Variants in SPIDR observed in about 807,000 individuals in gnomAD.
SPIDR encodes scaffold protein involved in DNA repair.
A neutral mutation model predicts 104.6 loss-of-function variants in SPIDR; 93 were observed. The ratio of observed to expected loss-of-function variants is 0.89; its 90% CI spans 0.75 to 1.06. The LOEUF (loss-of-function observed/expected upper bound fraction) is 1.06, where lower values mean the gene tolerates loss of function less well. Ranked by LOEUF, SPIDR falls within the 50% of genes least tolerant of loss-of-function variation. The probability of loss-of-function intolerance (pLI) is 0.00; values close to 1 mark genes in which losing one functional copy is unlikely to be tolerated. For synonymous variants in SPIDR, 431 were observed against 416.9 expected (o/e 1.03, Z -0.41); for missense variants, 1,154 against 1,111.2 (o/e 1.04, Z -0.55).
At chr8:47,499,691 G>T (rs1328161918) in intron 8 of SPIDR, among the ~76,000 whole-genome samples, 2 of 151,972 alleles carry the variant, frequency 1.3e-5, no homozygotes, top group African/African-American at 4.8e-5. Context: ...ACAACGTGCA[G>T]GTTAGTTACA....
intron 3 of SPIDR, among the ~76,000 whole-genome samples, chr8:47,289,279 G>T (rs1554566213): frequency 6.6e-6 from 1 of 151,890 alleles, no homozygotes; most frequent in Non-Finnish European, 1.5e-5. Context: ...CTGTAAATAT[G>T]TATCTAATGA....
At chr8:47,305,916 A>G (rs928055497) in intron 5 of SPIDR, among the ~76,000 whole-genome samples, 1 of 152,150 alleles carries the variant, frequency 6.6e-6, no homozygotes, top group African/African-American at 2.4e-5. Flanking sequence ...ACCACCTTCT[A>G]TCTCCAGAAC....
chr8:47,420,558 C>T (rs536701050), intron 7 of SPIDR, among the ~76,000 whole-genome samples: 2 of 152,198 alleles, frequency 1.3e-5, no homozygotes, highest in African/African-American at 2.4e-5. Context: ...TGGGTCTTGA[C>T]TCTTTATCCA....
intron 1 of SPIDR, among the ~76,000 whole-genome samples, chr8:47,267,300 A>G (rs1201177144): frequency 2.0e-5 from 3 of 152,122 alleles, no homozygotes; most frequent in African/African-American, 4.8e-5. Flanking sequence ...TTGGGATTAC[A>G]TCCGTGAGCC....
chr8:47,718,511 T>C (rs1051369388), intron 16 of SPIDR, among the ~76,000 whole-genome samples: 34 of 152,174 alleles, frequency 2.2e-4, no homozygotes, highest in African/African-American at 8.2e-4. Context: ...GGCTCTTTTT[T>C]TTTTTCATTT....
chr8:47,514,929 A>G (rs1196411221), intron 8 of SPIDR, among the ~76,000 whole-genome samples: 1 of 152,150 alleles, frequency 6.6e-6, no homozygotes, highest in Admixed American at 6.5e-5. Context: ...ATTTTTCATC[A>G]TTTCTGAGGA....
chr8:47,646,625 T>C (rs531979157), intron 10 of SPIDR, among the ~76,000 whole-genome samples: 1 of 152,304 alleles, frequency 6.6e-6, no homozygotes, highest in South Asian at 2.1e-4. Context: ...CAGAAAAATC[T>C]ATGACATTGG....
intron 10 of SPIDR, among the ~76,000 whole-genome samples, chr8:47,643,542 T>G (rs1021935570): frequency 6.6e-6 from 1 of 151,874 alleles, no homozygotes. Flanking sequence ...GTTGTTGTTG[T>G]TGTTTTCTAG....
chr8:47,519,745 A>G (rs1276672075), intron 8 of SPIDR, among the ~76,000 whole-genome samples: 1 of 152,194 alleles, frequency 6.6e-6, no homozygotes, highest in African/African-American at 2.4e-5. Context: ...TGATGGCACC[A>G]CTGCACTCTA....
intron 5 of SPIDR, among the ~76,000 whole-genome samples, chr8:47,364,597 A>T (rs1795461418): frequency 1.3e-5 from 2 of 152,270 alleles, no homozygotes; most frequent in Admixed American, 6.5e-5. Context: ...TTCAGTTCAC[A>T]AATAGAATTC....
At chr8:47,386,861 A>G in intron 5 of SPIDR, among the ~76,000 whole-genome samples, 1 of 148,708 alleles carries the variant, frequency 6.7e-6, no homozygotes, top group Admixed American at 6.9e-5. Flanking sequence ...AATAAGGAGG[A>G]AGTGGGGGGA....
intron 11 of SPIDR, among the ~76,000 whole-genome samples, chr8:47,680,431 T>C (rs1021367179): frequency 3.9e-5 from 6 of 152,178 alleles, no homozygotes; most frequent in African/African-American, 1.4e-4. Context: ...TCCATCCAGC[T>C]GAGTGAGACT....
rs2084766944 is a variant in SPIDR, at chr8:47,729,018, T to C, written c.2521T>C (p.Ser841Pro). ...RHLQVFLDCR[S>P]RPQCRVKVKL... The stretch of plus-strand genomic sequence containing the variant: ...CCTGCAGGTCTTCCTGGACTGCCGC[T>C]CAAGACCGCAGTGCAGAGTGAAGGT... Residue 841 changes from serine (S) to proline (P), a missense_variant, in exon 18 of 20, where the codon TCA becomes CCA. Physicochemically the swap from Ser to Pro is moderately conservative, Grantham distance 74. Transcript: ENST00000297423. The C allele has an allele frequency of 6.2e-7, 1 of 1,613,850 alleles. No individual in the cohort carries two copies.
At chr8:47,406,806 C>T (rs1170472128) in intron 6 of SPIDR, among the ~76,000 whole-genome samples, 3 of 152,106 alleles carry the variant, frequency 2.0e-5, no homozygotes, top group African/African-American at 4.8e-5. Context: ...TGGTTAGTTA[C>T]GTAATGCTGG....
chr8:47,636,781 A>G (rs914171449), intron 10 of SPIDR, among the ~76,000 whole-genome samples: 1 of 150,826 alleles, frequency 6.6e-6, no homozygotes, highest in Non-Finnish European at 1.5e-5. Context: ...GTACCACTGC[A>G]CTCCAGCCTA....
chr8:47,501,169 A>G (rs1444030418), intron 8 of SPIDR, among the ~76,000 whole-genome samples: 2 of 152,116 alleles, frequency 1.3e-5, no homozygotes, highest in African/African-American at 2.4e-5. Context: ...GTTTTTTCCA[A>G]TTCTGTGAAG....
chr8:47,300,245 G>A (rs1358024391), intron 5 of SPIDR, among the ~76,000 whole-genome samples: 1 of 152,190 alleles, frequency 6.6e-6, no homozygotes, highest in Non-Finnish European at 1.5e-5. Context: ...GTGTAAAGGT[G>A]TTTATAGTAT....
chr8:47,618,047 G>GT (rs1440719180), intron 10 of SPIDR, among the ~76,000 whole-genome samples: 2 of 152,214 alleles, frequency 1.3e-5, no homozygotes, highest in South Asian at 4.1e-4. Context: ...TTTAATGCCA[G>GT]TAAGTGCACT....
chr8:47,593,079 G>A (rs1030594066), intron 8 of SPIDR, among the ~76,000 whole-genome samples: 3 of 152,046 alleles, frequency 2.0e-5, no homozygotes, highest in Non-Finnish European at 4.4e-5. Flanking sequence ...TAGAGATAGG[G>A]TTTCTTCATG....
Sources: allele counts gnomAD v4.1 joint callset (sites outside exome capture counted in the v4.1 genomes callset), GRCh38; gene constraint gnomAD v4.1.1; transcripts MANE v1.5; gene names NCBI Gene and HGNC (gene_info 2026-07-23, HGNC 2026-07-21).